TBC1D1: variants seen among roughly 807,000 people sequenced by gnomAD.
TBC1D1 encodes TBC1 domain family member 1, also known as TBC1 (tre-2/USP6, BUB2, cdc16) domain family, member 1.
Under a neutral mutation model 125.6 loss-of-function variants are expected in TBC1D1, and 89 were observed. That is an observed-to-expected ratio of 0.71 (90% CI 0.60 to 0.85). TBC1D1 has a LOEUF of 0.85. TBC1D1 is among the 40% of genes least tolerant of loss of function. The probability of loss-of-function intolerance (pLI) is 0.00; values close to 1 mark genes in which losing one functional copy is unlikely to be tolerated. For missense variants in TBC1D1, 1,377 were observed against 1,469.2 expected (o/e 0.94, Z 1.03); for synonymous variants, 565 against 564.1 (o/e 1.00, Z -0.02).
chr4:38,076,432 C>T (rs116789445), intron 12 of TBC1D1, among the ~76,000 whole-genome samples: 619 of 152,216 alleles, frequency 4.1e-3, no homozygotes, highest in African/African-American at 0.015. Context: ...CATGTCTGGC[C>T]CTGATCCCTT....
At chr4:38,116,679 A>C (rs1405758002) in intron 16 of TBC1D1, among the ~76,000 whole-genome samples, 1 of 152,234 alleles carries the variant, frequency 6.6e-6, no homozygotes, top group African/African-American at 2.4e-5. Context: ...TGTCAGAGAA[A>C]ACCAAACACA....
intron 2 of TBC1D1, chr4:37,952,402 G>T: frequency 3.1e-6 from 1 of 322,920 alleles, no homozygotes; most frequent in Non-Finnish European, 6.0e-6. Context: ...TGGTAGACTG[G>T]ATAAAGAAAA....
In TBC1D1 at chr4:38,036,431, C is replaced by G. The variant is rs141853017; in HGVS notation, c.1413+733C>G. 2.1e-3 allele frequency among the ~76,000 whole-genome samples: 325 copies of G among 152,292 alleles called. 2 individuals carry two copies. Among genetic ancestry groups the G allele is most frequent in the African/African-American group, 7.4e-3 (308 of 41,556 alleles). On this transcript the variant is annotated intron_variant, in intron 8 of 19. Coordinates refer to ENST00000261439, the MANE Select transcript of TBC1D1 (RefSeq NM_015173.4). ...TCAAAACATACACATTTTATATTTG[C>G]TAAAGTTACCTGTTGGCCAGAAATC...
chr4:37,981,428 T>C (rs1357397303), intron 2 of TBC1D1, among the ~76,000 whole-genome samples: 1 of 152,212 alleles, frequency 6.6e-6, no homozygotes, highest in African/African-American at 2.4e-5. Context: ...TAGGTACTAT[T>C]TGAGGAGCTG....
intron 2 of TBC1D1, among the ~76,000 whole-genome samples, chr4:37,927,901 A>G (rs1256497827): frequency 6.6e-6 from 1 of 152,180 alleles, no homozygotes; most frequent in Admixed American, 6.5e-5. Context: ...AACATAGCAA[A>G]TCCCTGTTTC....
intron 8 of TBC1D1, among the ~76,000 whole-genome samples, chr4:38,038,671 G>A (rs1747687017): frequency 6.6e-6 from 1 of 152,166 alleles, no homozygotes; most frequent in Admixed American, 6.5e-5. Flanking sequence ...CATCCTGCCG[G>A]GCGCAGTGGC....
chr4:37,923,605 C>T (rs1392597349), intron 2 of TBC1D1, among the ~76,000 whole-genome samples: 4 of 151,852 alleles, frequency 2.6e-5, no homozygotes, highest in Admixed American at 1.3e-4. Context: ...TTAATTCCAT[C>T]GAGGTGAGTG....
At chr4:38,052,985 T>A in intron 11 of TBC1D1, 121 bp from the exon 13 acceptor site, 1 of 631,238 alleles carries the variant, frequency 1.6e-6, no homozygotes, top group Non-Finnish European at 2.3e-6. Context: ...TTTAATTTCT[T>A]ACCTAGTTTT....
At chr4:38,063,591 T>A (rs1481786905) in intron 12 of TBC1D1, among the ~76,000 whole-genome samples, 1 of 152,240 alleles carries the variant, frequency 6.6e-6, no homozygotes, top group East Asian at 1.9e-4. Context: ...TTTTGGTATA[T>A]CCACAGAGTT....
chr4:38,096,181 T>C, intron 14 of TBC1D1, 91 bp downstream of exon 16: 1 of 1,055,268 alleles, frequency 9.5e-7, no homozygotes, highest in East Asian at 2.4e-5. Context: ...AGTCTAATTT[T>C]AGTGGCCATC....
intron 5 of TBC1D1, 21 bp downstream of exon 5, chr4:38,020,716 C>A: frequency 1.2e-6 from 2 of 1,601,434 alleles, no homozygotes; most frequent in African/African-American, 2.7e-5. Flanking sequence ...ACAAGCAATT[C>A]TTACCTTGGA....
intron 2 of TBC1D1, among the ~76,000 whole-genome samples, chr4:37,915,344 T>TGCAA (rs1719503951): frequency 1.3e-5 from 2 of 152,196 alleles, no homozygotes; most frequent in Non-Finnish European, 2.9e-5. Flanking sequence ...ATCTGCCATT[T>TGCAA]GCAAGCTGGA....
chr4:37,983,642 A>G (rs1175725942), intron 2 of TBC1D1, among the ~76,000 whole-genome samples: 2 of 152,200 alleles, frequency 1.3e-5, no homozygotes, highest in African/African-American at 4.8e-5. Context: ...AAACTCACAG[A>G]TGTTTTGATA....
intron 12 of TBC1D1, among the ~76,000 whole-genome samples, chr4:38,065,345 T>A (rs1305606542): frequency 6.6e-6 from 1 of 152,142 alleles, no homozygotes; most frequent in Non-Finnish European, 1.5e-5. Context: ...CGCCCCCAAA[T>A]GTCTGATGCT....
At position 38,052,339 on chromosome 4, in the gene TBC1D1, T is replaced by G. The variant is rs1033702454; in HGVS notation, c.1911-1860T>G. On this transcript the variant is annotated intron_variant, in intron 11 of 19. Transcript: ENST00000261439. ...GATTGGTTTGTGTTTGTGTTTGTTTTTTTTTTTTTTGAGACAGGGTCTCAC... is the reference window on the plus strand; with the variant it reads ...GATTGGTTTGTGTTTGTGTTTGTTTGTTTTTTTTTTGAGACAGGGTCTCAC... 4.0e-5 allele frequency among the ~76,000 whole-genome samples: 6 copies of G among 151,490 alleles called. 1 individual carries two copies. Among genetic ancestry groups the G allele is most frequent in the South Asian group, 4.2e-4 (2 of 4,812 alleles).
At chr4:38,122,354 G>C (rs1412845597) in intron 17 of TBC1D1, among the ~76,000 whole-genome samples, 1 of 152,220 alleles carries the variant, frequency 6.6e-6, no homozygotes, top group Non-Finnish European at 1.5e-5. Context: ...GGCTGGGGCA[G>C]AGGCCCCTGG....
intron 15 of TBC1D1, among the ~76,000 whole-genome samples, chr4:38,106,860 G>T (rs1266145500): frequency 1.3e-5 from 2 of 152,148 alleles, no homozygotes; most frequent in African/African-American, 2.4e-5. Context: ...GGCCTCCCCT[G>T]CAGGGCTCAG....
intron 2 of TBC1D1, among the ~76,000 whole-genome samples, chr4:37,951,111 AC>A (rs1329902813): frequency 6.6e-6 from 1 of 152,216 alleles, no homozygotes; most frequent in African/African-American, 2.4e-5. Flanking sequence ...AAATAGCTGA[AC>A]AATACAATGT....
At chr4:38,038,915 C>T (rs2152461454) in intron 8 of TBC1D1, among the ~76,000 whole-genome samples, 1 of 150,374 alleles carries the variant, frequency 6.7e-6, no homozygotes, top group Admixed American at 6.6e-5. Context: ...CACTGCACTC[C>T]AGCCTGGGCG....
Sources: allele counts gnomAD v4.1 joint callset (sites outside exome capture counted in the v4.1 genomes callset), GRCh38; gene constraint gnomAD v4.1.1; transcripts MANE v1.5; gene names NCBI Gene and HGNC (gene_info 2026-07-23, HGNC 2026-07-21).